Variants in CLMP observed in about 807,000 individuals in gnomAD.
The protein encoded by CLMP is CXADR like cell adhesion molecule.
A neutral mutation model predicts 45.2 loss-of-function variants in CLMP; 27 were observed. That is an observed-to-expected ratio of 0.60 (90% CI 0.44 to 0.82). The LOEUF (loss-of-function observed/expected upper bound fraction) is 0.82, where lower values mean the gene tolerates loss of function less well. Among genes scored for constraint, CLMP ranks in the 40% least tolerant of loss-of-function variants. CLMP has a pLI of 0.00. For synonymous variants in CLMP, 167 were observed against 171.4 expected (o/e 0.97, Z 0.20); for missense variants, 403 against 448.4 (o/e 0.90, Z 0.91).
chr11:123,111,152 T>C (rs1043244180), intron 1 of CLMP, among the ~76,000 whole-genome samples: 1 of 152,006 alleles, frequency 6.6e-6, no homozygotes, highest in Non-Finnish European at 1.5e-5. Flanking sequence ...TTTTGTGCCA[T>C]TGTGTGTGTG....
intron 1 of CLMP, among the ~76,000 whole-genome samples, chr11:123,134,772 C>A (rs997248234): frequency 3.6e-4 from 55 of 151,678 alleles, no homozygotes; most frequent in African/African-American, 1.3e-3. Context: ...TGTGCCACTG[C>A]ACTCCAGCCC....
At position 123,122,290 on chromosome 11, in the gene CLMP, C is replaced by T. The variant is rs903734040; in HGVS notation, c.29-24338G>A. On this transcript the variant is annotated intron_variant, in intron 1 of 6. Transcript: ENST00000448775. ...GCTTTCCTAGTACTGGGATTACAGG[C>T]GTGAGCCACTGTGCCAGGTACTCTG... is the stretch of plus-strand genomic sequence containing the variant. Among the ~76,000 whole-genome samples the T allele has an allele frequency of 5.9e-5, 9 of 152,114 alleles. No homozygotes were observed. The South Asian group carries it at 8.3e-4, about 14-fold the overall frequency.
intron 1 of CLMP, among the ~76,000 whole-genome samples, chr11:123,149,106 G>T (rs1861276368): frequency 6.6e-6 from 1 of 152,212 alleles, no homozygotes. Flanking sequence ...TTTTCAGGAA[G>T]CGGGTGTCTA....
At chr11:123,104,097 TG>T (rs1368771327) in intron 1 of CLMP, among the ~76,000 whole-genome samples, 1 of 140,078 alleles carries the variant, frequency 7.1e-6, no homozygotes, top group East Asian at 2.1e-4. Context: ...CCCAAAGTGC[TG>T]GGATTACAGG....
At chr11:123,164,593 C>G (rs550063540) in intron 1 of CLMP, among the ~76,000 whole-genome samples, 1 of 152,102 alleles carries the variant, frequency 6.6e-6, no homozygotes. Flanking sequence ...TGTGAGCCAC[C>G]ATGCCTGGCT....
At chr11:123,193,238 T>C (rs780124779) in intron 1 of CLMP, 1 of 152,382 alleles carries the variant, frequency 6.6e-6, no homozygotes, top group South Asian at 2.1e-4. Context: ...CCTGGCCTTT[T>C]TACAGCTTGG....
At chr11:123,183,562 T>C (rs886543526) in intron 1 of CLMP, among the ~76,000 whole-genome samples, 1 of 152,188 alleles carries the variant, frequency 6.6e-6, no homozygotes, top group Admixed American at 6.5e-5. Context: ...CAAGATACTC[T>C]ACTACTAGGG....
chr11:123,082,080 TACACACGTGTGTGTGCATGAGCACATGC>T (rs1465362044), intron 5 of CLMP, among the ~76,000 whole-genome samples: 14 of 152,300 alleles, frequency 9.2e-5, no homozygotes, highest in Admixed American at 7.8e-4. Context: ...ATAACACATG[TACACACGTGTGTGTGCATGAGCACATGC>T]ACATACACAC....
At chr11:123,175,457 C>T (rs1316316790) in intron 1 of CLMP, among the ~76,000 whole-genome samples, 1 of 150,790 alleles carries the variant, frequency 6.6e-6, no homozygotes, top group Non-Finnish European at 1.5e-5. Flanking sequence ...GGGTCCCTCC[C>T]TTGACAGGTG....
intron 1 of CLMP, among the ~76,000 whole-genome samples, chr11:123,122,478 C>A (rs1436403355): frequency 6.6e-6 from 1 of 152,198 alleles, no homozygotes; most frequent in Non-Finnish European, 1.5e-5. Flanking sequence ...GGACAGTCCT[C>A]CGGGAAACAG....
chr11:123,138,747 G>A (rs1861112881), intron 1 of CLMP, among the ~76,000 whole-genome samples: 5 of 152,150 alleles, frequency 3.3e-5, no homozygotes, highest in Non-Finnish European at 4.4e-5. Flanking sequence ...TCTGCCTCCC[G>A]GGTTCAAGCA....
chr11:123,135,810 T>C (rs1442501433), intron 1 of CLMP: 1 of 337,788 alleles, frequency 3.0e-6, no homozygotes, highest in Admixed American at 4.2e-5. Context: ...TTCCAGCTAG[T>C]TGTTTCTCCT....
chr11:123,137,514 G>A (rs887996430), intron 1 of CLMP, among the ~76,000 whole-genome samples: 2 of 152,054 alleles, frequency 1.3e-5, no homozygotes, highest in African/African-American at 4.8e-5. Context: ...ACCAGAGGCC[G>A]AGCTTGGACC....
In CLMP at chr11:123,126,219, C is replaced by G. The variant is rs568021514; in HGVS notation, c.29-28267G>C. On this transcript the variant is annotated intron_variant, in intron 1 of 6. Transcript: ENST00000448775. ...CCTATATAGTGTCTCATCTTTTCTC[C>G]TACTGCATGTTAAATTCCCCAGGCA... Among the ~76,000 whole-genome samples the G allele has an allele frequency of 2.0e-5, 3 of 152,260 alleles. No homozygotes were observed. In the South Asian group the frequency reaches 6.2e-4, roughly 32 times the overall value.
At chr11:123,099,557 T>C (rs7121089) in intron 1 of CLMP, among the ~76,000 whole-genome samples, 13,938 of 152,196 alleles carry the variant, frequency 0.092, 729 homozygotes, top group African/African-American at 0.15. Context: ...AAAGGCAATT[T>C]ATTTTATTAT....
intron 1 of CLMP, among the ~76,000 whole-genome samples, chr11:123,124,743 T>C (rs933770544): frequency 2.0e-5 from 3 of 152,224 alleles, no homozygotes; most frequent in African/African-American, 7.2e-5. Flanking sequence ...AATGCGTACA[T>C]ATCCCTGAGG....
intron 1 of CLMP, among the ~76,000 whole-genome samples, chr11:123,189,528 A>G (rs957927146): frequency 6.6e-6 from 1 of 152,244 alleles, no homozygotes; most frequent in African/African-American, 2.4e-5. Flanking sequence ...CAAATGTTAG[A>G]AATTAATTAT....
intron 1 of CLMP, among the ~76,000 whole-genome samples, chr11:123,126,725 G>A (rs1052677744): frequency 2.1e-4 from 32 of 151,964 alleles, no homozygotes; most frequent in African/African-American, 4.1e-4. Flanking sequence ...GTGAAACCCC[G>A]TCTCTACTAA....
At chr11:123,147,666 G>A (rs1365761210) in intron 1 of CLMP, among the ~76,000 whole-genome samples, 5 of 152,280 alleles carry the variant, frequency 3.3e-5, no homozygotes, top group African/African-American at 9.6e-5. Context: ...CCACTAGAAT[G>A]TCAGTGCCTG....
Sources: gnomAD v4.1 joint callset for allele counts (sites outside exome capture counted in the v4.1 genomes callset) on GRCh38, gnomAD v4.1.1 for gene constraint, MANE v1.5 for transcripts, NCBI Gene and HGNC (gene_info 2026-07-23, HGNC 2026-07-21) for gene names.